The following NAV3 variants were observed in gnomAD, a reference collection of about 807,000 sequenced individuals.
NAV3 encodes neuron navigator 3, also known as pore membrane and/or filament interacting like protein 1.
A neutral mutation model predicts 244.7 loss-of-function variants in NAV3; 87 were observed. That is an observed-to-expected ratio of 0.36 (90% CI 0.30 to 0.42). The LOEUF is 0.42. Ranked by LOEUF, NAV3 falls within the 20% of genes least tolerant of loss-of-function variation. The probability of loss-of-function intolerance (pLI) is 1.00; values close to 1 mark genes in which losing one functional copy is unlikely to be tolerated. For synonymous variants in NAV3, 1,126 were observed against 1,042.2 expected, an observed-to-expected ratio of 1.08 and a Z score of -1.55; for missense variants, 2,663 against 2,893.3, an observed-to-expected ratio of 0.92 and a Z score of 1.83.
At chr12:77,658,557 C>A (rs1283716701) in intron 2 of NAV3, among the ~76,000 whole-genome samples, 1 of 151,684 alleles carries the variant, frequency 6.6e-6, no homozygotes, top group Admixed American at 6.6e-5. Flanking sequence ...AGATTCAATG[C>A]CATCCCCATC....
intron 18 of NAV3, among the ~76,000 whole-genome samples, chr12:78,129,527 T>C (rs1417820219): frequency 6.6e-6 from 1 of 152,188 alleles, no homozygotes; most frequent in Non-Finnish European, 1.5e-5. Flanking sequence ...TTGTATGAAA[T>C]ATAAAATCAT....
At chr12:77,775,758 T>C (rs1870324474) in intron 2 of NAV3, 1 of 152,192 alleles carries the variant, frequency 6.6e-6, no homozygotes, top group Non-Finnish European at 1.5e-5. Flanking sequence ...CAAATGACAA[T>C]CCTTTTTGTC....
At chr12:77,603,419 T>A (rs972774711) in intron 2 of NAV3, among the ~76,000 whole-genome samples, 5 of 151,830 alleles carry the variant, frequency 3.3e-5, no homozygotes, top group Admixed American at 2.6e-4. Flanking sequence ...TATGGATTAA[T>A]AAAAATTGAG....
At chr12:77,955,886 A>G in intron 3 of NAV3, among the ~76,000 whole-genome samples, 1 of 151,974 alleles carries the variant, frequency 6.6e-6, no homozygotes, top group East Asian at 1.9e-4. Flanking sequence ...AAGAAAAGAA[A>G]AGAAAGAAAA....
intron 2 of NAV3, among the ~76,000 whole-genome samples, chr12:77,755,251 CA>C (rs1390327978): frequency 2.6e-5 from 4 of 152,024 alleles, no homozygotes; most frequent in African/African-American, 9.7e-5. Context: ...TCTTAAATCA[CA>C]ATTAATAATT....
intron 1 of NAV3, among the ~76,000 whole-genome samples, chr12:77,865,528 T>C (rs1879871593): frequency 6.6e-6 from 1 of 152,106 alleles, no homozygotes; most frequent in Non-Finnish European, 1.5e-5. Flanking sequence ...TTAACCCCTT[T>C]GAAATCTATG....
intron 2 of NAV3, among the ~76,000 whole-genome samples, chr12:77,726,589 A>C (rs143081779): frequency 4.5e-4 from 69 of 152,010 alleles, no homozygotes; most frequent in African/African-American, 1.6e-3. Context: ...AAATGGAAAG[A>C]ATATTTCTTC....
At chr12:78,142,926 T>G (rs1005393267) in intron 20 of NAV3, among the ~76,000 whole-genome samples, 10 of 152,010 alleles carry the variant, frequency 6.6e-5, no homozygotes, top group African/African-American at 1.9e-4. Flanking sequence ...TTCAAATAAA[T>G]GAATATTTGG....
chr12:77,620,288 G>T (rs762430611), intron 2 of NAV3, among the ~76,000 whole-genome samples: 1 of 152,050 alleles, frequency 6.6e-6, no homozygotes, highest in Non-Finnish European at 1.5e-5. Flanking sequence ...CTTATCACAT[G>T]CTACTTCATA....
At chr12:78,076,780 A>G (rs913199790) in intron 12 of NAV3, among the ~76,000 whole-genome samples, 2 of 152,198 alleles carry the variant, frequency 1.3e-5, no homozygotes, top group Non-Finnish European at 2.9e-5. Context: ...AAATTTATTG[A>G]GTATGAAATT....
intron 2 of NAV3, among the ~76,000 whole-genome samples, chr12:77,785,351 A>G (rs1157412770): frequency 6.6e-6 from 1 of 151,966 alleles, no homozygotes; most frequent in Admixed American, 6.6e-5. Flanking sequence ...TTCCTGGGAG[A>G]CACTATTTCC....
chr12:78,063,877 A>G (rs1192030791), intron 12 of NAV3, among the ~76,000 whole-genome samples: 1 of 152,160 alleles, frequency 6.6e-6, no homozygotes, highest in East Asian at 1.9e-4. Flanking sequence ...CAAGGAGACG[A>G]GAGACAAAGG....
At chr12:77,966,702 T>C (rs1341187423) in intron 4 of NAV3, among the ~76,000 whole-genome samples, 2 of 152,080 alleles carry the variant, frequency 1.3e-5, no homozygotes, top group Non-Finnish European at 2.9e-5. Flanking sequence ...ATTTCTATAA[T>C]ATATTCAAGT....
At chr12:77,908,622 A>C (rs549754016) in intron 1 of NAV3, among the ~76,000 whole-genome samples, 1 of 151,978 alleles carries the variant, frequency 6.6e-6, no homozygotes, top group Non-Finnish European at 1.5e-5. Flanking sequence ...TTTTTTTCCC[A>C]AAAATATTAC....
At chr12:78,100,084 C>T (rs1406647668) in intron 12 of NAV3, among the ~76,000 whole-genome samples, 1 of 151,816 alleles carries the variant, frequency 6.6e-6, no homozygotes, top group Admixed American at 6.6e-5. Flanking sequence ...TTACTCAAAA[C>T]CCACATGGTA....
At chr12:77,682,476 A>G (rs758969650) in intron 2 of NAV3, among the ~76,000 whole-genome samples, 5 of 152,178 alleles carry the variant, frequency 3.3e-5, no homozygotes, top group Non-Finnish European at 7.4e-5. Flanking sequence ...GAGGACAGAT[A>G]TCTCTTCCAC....
At chr12:78,114,444 A>G (rs1161962277) in intron 12 of NAV3, among the ~76,000 whole-genome samples, 1 of 152,206 alleles carries the variant, frequency 6.6e-6, no homozygotes, top group African/African-American at 2.4e-5. Flanking sequence ...ACAGTTCAGC[A>G]TGGCTGGCAA....
intron 38 of NAV3, among the ~76,000 whole-genome samples, chr12:78,201,907 T>C (rs1398362686): frequency 1.3e-5 from 2 of 151,982 alleles, no homozygotes; most frequent in East Asian, 3.9e-4. Flanking sequence ...TCAGGCTCTC[T>C]TTATCTATTG....
chr12:78,203,807 T>C (rs575930848), intron 38 of NAV3, among the ~76,000 whole-genome samples: 5 of 151,742 alleles, frequency 3.3e-5, no homozygotes, highest in South Asian at 2.1e-4. Context: ...TCTCTTAATT[T>C]TCACTTTTTT....
Sources: allele counts gnomAD v4.1 joint callset (sites outside exome capture counted in the v4.1 genomes callset), GRCh38; gene constraint gnomAD v4.1.1; transcripts MANE v1.5; gene names NCBI Gene and HGNC (gene_info 2026-07-23, HGNC 2026-07-21).